RNGTT: variants seen among roughly 807,000 people sequenced by gnomAD.
RNGTT encodes the protein mRNA-capping enzyme.
RNGTT carries 33 observed loss-of-function variants against 79.3 expected under a neutral mutation model. The observed-to-expected ratio is 0.42, with a 90% CI of 0.32 to 0.56. The LOEUF (loss-of-function observed/expected upper bound fraction) is 0.56, where lower values mean the gene tolerates loss of function less well. Ranked by LOEUF, RNGTT falls within the 20% of genes least tolerant of loss-of-function variation. The pLI, the probability that RNGTT is intolerant of heterozygous loss-of-function variation, is 0.17. For synonymous variants in RNGTT, 222 were observed against 235.9 expected (o/e 0.94, Z 0.54); for missense variants, 497 against 739.1 (o/e 0.67, Z 3.80).
At chr6:88,895,257 G>GTA (rs1422686161) in intron 6 of RNGTT, among the ~76,000 whole-genome samples, 1 of 151,638 alleles carries the variant, frequency 6.6e-6, no homozygotes, top group Non-Finnish European at 1.5e-5. Context: ...GTGTGTGTGT[G>GTA]TGTGTGTGTG....
chr6:88,681,090 T>C (rs956721551), intron 13 of RNGTT, among the ~76,000 whole-genome samples: 8 of 152,204 alleles, frequency 5.3e-5, no homozygotes, highest in Admixed American at 3.9e-4. Flanking sequence ...GTTTAATTTA[T>C]TTCCTATATA....
chr6:88,895,782 C>T (rs562319560), intron 6 of RNGTT, among the ~76,000 whole-genome samples: 48 of 152,302 alleles, frequency 3.2e-4, no homozygotes, highest in Non-Finnish European at 6.3e-4. Flanking sequence ...TCCCTGTCAA[C>T]CATAGGTCAA....
chr6:88,862,311 C>A (rs1222212215), intron 8 of RNGTT, among the ~76,000 whole-genome samples: 1 of 152,122 alleles, frequency 6.6e-6, no homozygotes, highest in African/African-American at 2.4e-5. Context: ...TTAAGTTGAT[C>A]ACCAATGGTC....
rs548704740 is a variant in RNGTT, at chr6:88,837,139, T to G, written c.1269+7218A>C. ...CCGGGCATGGTGGCTTACCGTGTAA[T>G]CCCAACACTTCGGGAAGCCAAGGCC... is the stretch of plus-strand genomic sequence containing the variant. On this transcript the variant is annotated intron_variant, in intron 11 of 15. Transcript: ENST00000369485. 2.6e-5 allele frequency among the ~76,000 whole-genome samples: 4 copies of G among 152,252 alleles called. No homozygotes were observed. The East Asian group carries it at 7.7e-4, about 29-fold the overall frequency.
At chr6:88,793,007 A>G (rs1779472337) in intron 12 of RNGTT, among the ~76,000 whole-genome samples, 1 of 152,200 alleles carries the variant, frequency 6.6e-6, no homozygotes, top group African/African-American at 2.4e-5. Flanking sequence ...ATAACCACTG[A>G]ATTAACTAGG....
At chr6:88,946,989 C>A (rs1199485807) in intron 1 of RNGTT, among the ~76,000 whole-genome samples, 3 of 71,238 alleles carry the variant, frequency 4.2e-5, no homozygotes, top group African/African-American at 1.8e-4. Flanking sequence ...GATCTCGGCT[C>A]ACTACAACCT....
intron 13 of RNGTT, among the ~76,000 whole-genome samples, chr6:88,735,469 T>C (rs1178154713): frequency 6.7e-6 from 1 of 149,602 alleles, no homozygotes; most frequent in Non-Finnish European, 1.5e-5. Context: ...TTTTTTCAGA[T>C]GATAATGGAA....
At chr6:88,713,703 C>T (rs906398614) in intron 13 of RNGTT, among the ~76,000 whole-genome samples, 2 of 151,764 alleles carry the variant, frequency 1.3e-5, no homozygotes, top group African/African-American at 4.8e-5. Flanking sequence ...TGTTTATTTT[C>T]AAATAACCGC....
chr6:88,946,049 G>A (rs1339727508), intron 1 of RNGTT, among the ~76,000 whole-genome samples: 4 of 152,134 alleles, frequency 2.6e-5, no homozygotes, highest in Non-Finnish European at 5.9e-5. Flanking sequence ...TAGTATTACA[G>A]GCATACTTTG....
intron 4 of RNGTT, among the ~76,000 whole-genome samples, chr6:88,927,833 CAA>C (rs112249320): frequency 2.1e-4 from 16 of 76,644 alleles, no homozygotes; most frequent in Non-Finnish European, 3.0e-4. Flanking sequence ...GATTCCATCT[CAA>C]AAAAAAAAAA....
At chr6:88,616,497 C>A (rs190306086) in intron 14 of RNGTT, among the ~76,000 whole-genome samples, 1 of 152,066 alleles carries the variant, frequency 6.6e-6, no homozygotes, top group African/African-American at 2.4e-5. Context: ...ATCCTTAACA[C>A]CTGTTAGTTT....
At chr6:88,804,600 C>T (rs534621192) in intron 11 of RNGTT, among the ~76,000 whole-genome samples, 174 of 152,000 alleles carry the variant, frequency 1.1e-3, no homozygotes, top group African/African-American at 4.0e-3. Flanking sequence ...GAGATGTAAT[C>T]TAAAAATGTT....
Position 88,963,585 on chromosome 6 carries a change from A to ATCAACTCCACAGCTC in RNGTT, c.-191_-177dup. The ATCAACTCCACAGCTC allele has an allele frequency of 1.8e-6, 1 of 559,924 alleles. No individual in the cohort carries two copies. The highest frequency in any genetic ancestry group is 3.9e-5 in the Admixed American group (1 of 25,884). 34.7% of individuals were successfully genotyped at this position (559,924 alleles called of 1,614,324 possible). A position where few individuals can be genotyped will look rare whatever the true frequency, so the allele number is the denominator to read the frequency against. On this transcript the variant is annotated 5_prime_UTR_variant, in exon 1 of 16. Transcript: ENST00000369485. ...GGGCGGCGCGCCACTTTCATTCAGG[A>ATCAACTCCACAGCTC]TCAACTCCACAGCTCCAGGAGAACC...
At position 88,638,016 on chromosome 6, in the gene RNGTT, T is replaced by C. The variant is rs1217442259; in HGVS notation, c.1507-23621A>G. On this transcript the variant is annotated intron_variant, in intron 14 of 15. Transcript: ENST00000369485. ...AAGTTTGTCCTAAGGATTAGACTGCTTTTCAATTGGATGACAAATCACCCT... is the reference window on the plus strand; with the variant it reads ...AAGTTTGTCCTAAGGATTAGACTGCCTTTCAATTGGATGACAAATCACCCT... Among the ~76,000 whole-genome samples the C allele has an allele frequency of 2.6e-5, 4 of 152,262 alleles. No homozygotes were observed. In the East Asian group the frequency reaches 7.7e-4, roughly 29 times the overall value.
intron 13 of RNGTT, among the ~76,000 whole-genome samples, chr6:88,701,418 G>A (rs1775940647): frequency 6.6e-6 from 1 of 152,030 alleles, no homozygotes; most frequent in African/African-American, 2.4e-5. Context: ...GAGCATGTAT[G>A]TGTATGTGTG....
At chr6:88,850,602 C>CAA (rs59569099) in intron 9 of RNGTT, among the ~76,000 whole-genome samples, 5 of 151,204 alleles carry the variant, frequency 3.3e-5, no homozygotes, top group Admixed American at 6.6e-5. Context: ...TCTAAAATTA[C>CAA]AAAAAAAACA....
chr6:88,866,041 CA>C (rs1207009584), intron 8 of RNGTT, among the ~76,000 whole-genome samples: 2 of 152,148 alleles, frequency 1.3e-5, no homozygotes, highest in Non-Finnish European at 2.9e-5. Flanking sequence ...CCACCCTCTA[CA>C]AATTTATAAA....
chr6:88,642,483 A>G (rs1020697096), intron 14 of RNGTT, among the ~76,000 whole-genome samples: 4 of 152,248 alleles, frequency 2.6e-5, no homozygotes, highest in African/African-American at 9.6e-5. Context: ...TGAAGTAAGT[A>G]TATACAGTCT....
chr6:88,658,203 G>A (rs965689870), intron 14 of RNGTT, among the ~76,000 whole-genome samples: 1 of 152,178 alleles, frequency 6.6e-6, no homozygotes, highest in African/African-American at 2.4e-5. Context: ...GAAAACAACA[G>A]CTAATTCCAC....
Sources: allele counts gnomAD v4.1 joint callset (sites outside exome capture counted in the v4.1 genomes callset), GRCh38; gene constraint gnomAD v4.1.1; transcripts MANE v1.5; gene names NCBI Gene and HGNC (gene_info 2026-07-23, HGNC 2026-07-21).